The following TGFBR2 variants were observed in gnomAD, a reference collection of about 807,000 sequenced individuals.
The protein encoded by TGFBR2 is transforming growth factor beta receptor 2.
In TGFBR2, 18 loss-of-function variants were observed where a neutral mutation model predicts 49.0. That is an observed-to-expected ratio of 0.37 (90% CI 0.25 to 0.54). The LOEUF (loss-of-function observed/expected upper bound fraction) is 0.54. Among genes scored for constraint, TGFBR2 ranks in the 20% least tolerant of loss-of-function variants. The pLI, the probability that TGFBR2 is intolerant of heterozygous loss-of-function variation, is 0.85. For synonymous variants in TGFBR2, 282 were observed against 275.9 expected, an observed-to-expected ratio of 1.02 and a Z score of -0.22; for missense variants, 525 against 722.6, an observed-to-expected ratio of 0.73 and a Z score of 3.13.
intron 1 of TGFBR2, among the ~76,000 whole-genome samples, chr3:30,637,717 G>T (rs562510867): frequency 3.3e-5 from 5 of 152,194 alleles, no homozygotes; most frequent in African/African-American, 1.2e-4. Flanking sequence ...CTTTTTAGTC[G>T]TTGCGTTGTG....
intron 5 of TGFBR2, among the ~76,000 whole-genome samples, chr3:30,680,969 G>A (rs1489767021): frequency 6.6e-6 from 1 of 152,060 alleles, no homozygotes; most frequent in South Asian, 2.1e-4. Flanking sequence ...GGTGAACACA[G>A]CAGGCAAAAT....
chr3:30,617,527 C>T (rs1698154217), intron 1 of TGFBR2, among the ~76,000 whole-genome samples: 2 of 152,144 alleles, frequency 1.3e-5, no homozygotes, highest in Admixed American at 1.3e-4. Context: ...CCTGGGCACT[C>T]TTACTTTTAT....
intron 1 of TGFBR2, among the ~76,000 whole-genome samples, chr3:30,617,179 A>G (rs1698148142): frequency 1.3e-5 from 2 of 152,298 alleles, no homozygotes; most frequent in East Asian, 3.9e-4. Flanking sequence ...CAGAAAAGAC[A>G]GAATTTGCAA....
chr3:30,635,579 G>T (rs1698512586), intron 1 of TGFBR2, among the ~76,000 whole-genome samples: 2 of 152,116 alleles, frequency 1.3e-5, no homozygotes, highest in South Asian at 4.1e-4. Context: ...TTCAGCTACA[G>T]CTTGTTTCAT....
intron 3 of TGFBR2, among the ~76,000 whole-genome samples, chr3:30,670,687 A>G (rs955838272): frequency 4.6e-5 from 7 of 152,272 alleles, no homozygotes; most frequent in African/African-American, 1.7e-4. Flanking sequence ...ACAAGATATT[A>G]TAGTTAGATA....
rs542600020 is a variant in TGFBR2, at chr3:30,655,666, T to C, written c.454+5206T>C. On this transcript the variant is annotated intron_variant, in intron 3 of 6. Transcript: ENST00000295754. ...CATTTTTTCCATGGAAAGCTTGCTT[T>C]GGGCCACAAGGCCTTCTCTTTGAAT... Among the ~76,000 whole-genome samples, 6 of 152,322 alleles carry C rather than the reference T, an allele frequency of 3.9e-5. No individual in the cohort carries two copies. The South Asian group carries it at 1.0e-3, about 26-fold the overall frequency.
chr3:30,627,113 T>G (rs1389221919), intron 1 of TGFBR2, among the ~76,000 whole-genome samples: 4 of 152,184 alleles, frequency 2.6e-5, no homozygotes, highest in African/African-American at 4.8e-5. Context: ...GGGAAGCTCC[T>G]TAGAGTGCCA....
At chr3:30,680,049 C>T (rs192913705) in intron 5 of TGFBR2, among the ~76,000 whole-genome samples, 30 of 152,288 alleles carry the variant, frequency 2.0e-4, no homozygotes, top group African/African-American at 7.2e-4. Context: ...TGCTTGAACC[C>T]GGGAGGCGGA....
intron 5 of TGFBR2, among the ~76,000 whole-genome samples, chr3:30,682,174 G>A (rs1033695348): frequency 5.3e-5 from 8 of 152,188 alleles, no homozygotes; most frequent in Non-Finnish European, 1.2e-4. Flanking sequence ...GGAGGTGGCG[G>A]TGCAGCTGGC....
chr3:30,616,181 A>C (rs1698128970), intron 1 of TGFBR2, among the ~76,000 whole-genome samples: 1 of 152,178 alleles, frequency 6.6e-6, no homozygotes, highest in South Asian at 2.1e-4. Context: ...TGAGTCTTTG[A>C]CTAATGGTAG....
At chr3:30,621,023 C>T (rs1423342782) in intron 1 of TGFBR2, among the ~76,000 whole-genome samples, 2 of 152,144 alleles carry the variant, frequency 1.3e-5, no homozygotes, top group Non-Finnish European at 1.5e-5. Flanking sequence ...GGCCTTCAGC[C>T]TTCTCGTCCA....
intron 5 of TGFBR2, among the ~76,000 whole-genome samples, chr3:30,681,977 G>A (rs1159528984): frequency 6.6e-6 from 1 of 152,188 alleles, no homozygotes; most frequent in Admixed American, 6.5e-5. Context: ...GTATAACTAC[G>A]AGCAGAACAC....
chr3:30,646,421 G>T (rs1226575434), intron 2 of TGFBR2, among the ~76,000 whole-genome samples: 2 of 152,206 alleles, frequency 1.3e-5, no homozygotes, highest in African/African-American at 4.8e-5. Flanking sequence ...TCTGAGGAAT[G>T]GCCTGGGCAA....
intron 3 of TGFBR2, among the ~76,000 whole-genome samples, chr3:30,654,449 G>C (rs1698958597): frequency 6.6e-6 from 1 of 152,194 alleles, no homozygotes; most frequent in African/African-American, 2.4e-5. Flanking sequence ...ACCAAGGGCA[G>C]GCAGGGGTCA....
intron 3 of TGFBR2, among the ~76,000 whole-genome samples, chr3:30,663,475 C>A (rs967389659): frequency 6.6e-6 from 1 of 152,142 alleles, no homozygotes; most frequent in African/African-American, 2.4e-5. Context: ...TCAGATTAAA[C>A]ATTTTTTAAA....
chr3:30,615,860 C>T (rs891726769), intron 1 of TGFBR2, among the ~76,000 whole-genome samples: 5 of 152,002 alleles, frequency 3.3e-5, no homozygotes, highest in African/African-American at 9.6e-5. Context: ...TAGAGTAGCT[C>T]GGACTAAAGG....
chr3:30,650,132 A>T (rs1698851379), intron 2 of TGFBR2, 138 bp from the exon 3 acceptor site: 1 of 826,596 alleles, frequency 1.2e-6, no homozygotes, highest in East Asian at 2.5e-5. Context: ...GAGAACAGGA[A>T]CCAGCTGCCG....
chr3:30,674,488 T>G (rs776673561), intron 5 of TGFBR2, among the ~76,000 whole-genome samples: 1 of 152,228 alleles, frequency 6.6e-6, no homozygotes, highest in Non-Finnish European at 1.5e-5. Flanking sequence ...ATAATTACTC[T>G]TCTCTTGACA....
At chr3:30,615,353 C>T (rs114649004) in intron 1 of TGFBR2, among the ~76,000 whole-genome samples, 2,922 of 152,206 alleles carry the variant, frequency 0.019, 88 homozygotes, top group African/African-American at 0.066. Flanking sequence ...TCAAATACTA[C>T]GAAATCTTGC....
Sources: allele counts gnomAD v4.1 joint callset (sites outside exome capture counted in the v4.1 genomes callset), GRCh38; gene constraint gnomAD v4.1.1; transcripts MANE v1.5; gene names NCBI Gene and HGNC (gene_info 2026-07-23, HGNC 2026-07-21).